The following KPNA4 variants were observed in gnomAD, a reference collection of about 807,000 sequenced individuals.
KPNA4 encodes the protein karyopherin subunit alpha 4.
Under a neutral mutation model 71.3 loss-of-function variants are expected in KPNA4, and 13 were observed. The observed-to-expected ratio is 0.18, with a 90% CI of 0.12 to 0.29. The LOEUF is 0.29. Ranked by LOEUF, KPNA4 falls within the 10% of genes least tolerant of loss-of-function variation. The pLI is 1.00. For synonymous variants in KPNA4, 189 were observed against 195.2 expected, an observed-to-expected ratio of 0.97 and a Z score of 0.26; for missense variants, 334 against 603.2, an observed-to-expected ratio of 0.55 and a Z score of 4.67.
intron 1 of KPNA4, among the ~76,000 whole-genome samples, chr3:160,560,802 A>T (rs182931574): frequency 6.6e-6 from 1 of 152,210 alleles, no homozygotes; most frequent in African/African-American, 2.4e-5. Flanking sequence ...CAGTCATTTA[A>T]TTCCTAACTA....
chr3:160,509,600 T>C (rs1016396038), intron 14 of KPNA4, among the ~76,000 whole-genome samples, 200 bp downstream of exon 14: 2 of 152,176 alleles, frequency 1.3e-5, no homozygotes, highest in African/African-American at 4.8e-5. Context: ...CTTGCTCTTA[T>C]TTTATTTTTT....
At chr3:160,522,007 C>T in intron 10 of KPNA4, 97 bp from the exon 11 acceptor site, 1 of 990,608 alleles carries the variant, frequency 1.0e-6, no homozygotes, top group Non-Finnish European at 1.5e-6. Flanking sequence ...CAACTACCTT[C>T]TTCCTTCTTT....
chr3:160,521,973 C>A, intron 10 of KPNA4, 63 bp from the exon 11 acceptor site: 1 of 1,406,968 alleles, frequency 7.1e-7, no homozygotes. Context: ...TAATTCTTGA[C>A]CAAACAACCA....
chr3:160,519,243 T>C (rs943897505), intron 11 of KPNA4, among the ~76,000 whole-genome samples: 3 of 152,210 alleles, frequency 2.0e-5, no homozygotes, highest in African/African-American at 7.2e-5. Context: ...TCTTTAATGT[T>C]TTCCAAAAAT....
intron 15 of KPNA4, among the ~76,000 whole-genome samples, chr3:160,507,497 C>G: frequency 8.9e-6 from 1 of 112,066 alleles, no homozygotes. Flanking sequence ...AAGACACTGT[C>G]TCAAAAAAAA....
chr3:160,523,673 C>T (rs748685174), intron 10 of KPNA4, among the ~76,000 whole-genome samples: 12 of 152,044 alleles, frequency 7.9e-5, no homozygotes, highest in Non-Finnish European at 1.3e-4. Context: ...CATAGTGAAA[C>T]CCTGTCTCCA....
rs200369744 is a variant in KPNA4 at position 160,505,056 on chromosome 3, C to A, written c.1373-4G>T. 2.0e-6 allele frequency: 3 copies of A among 1,492,996 alleles called. No individual in the cohort carries two copies. The highest frequency in any genetic ancestry group is 1.4e-5 in the African/African-American group (1 of 70,614). The allele number at this position is 1,492,996 out of a possible 1,614,324, so 92.5% of individuals were successfully genotyped here. A position where few individuals can be genotyped will look rare whatever the true frequency, so the allele number is the denominator to read the frequency against. On this transcript the variant is annotated splice_polypyrimidine_tract_variant and splice_region_variant and intron_variant, in intron 15 of 16. Coordinates refer to ENST00000334256, the MANE Select transcript of KPNA4 (RefSeq NM_002268.5). ...AGTTGTTCAATTTTCTCCAGCCCTG[C>A]AAGAAATTTTGCAATGTGAAACAAT... is the stretch of plus-strand genomic sequence containing the variant.
At chr3:160,518,880 A>G (rs1393346558) in intron 11 of KPNA4, among the ~76,000 whole-genome samples, 1 of 152,096 alleles carries the variant, frequency 6.6e-6, no homozygotes, top group Admixed American at 6.6e-5. Flanking sequence ...AAAAAAGTAA[A>G]TCAACTAATC....
chr3:160,521,660 C>A, intron 11 of KPNA4, 119 bp downstream of exon 11: 1 of 911,216 alleles, frequency 1.1e-6, no homozygotes, highest in Non-Finnish European at 1.7e-6. Context: ...CTTTCCATCA[C>A]AGATTTGTTG....
intron 1 of KPNA4, among the ~76,000 whole-genome samples, chr3:160,560,876 GTTATT>G (rs1031982126): frequency 3.9e-5 from 6 of 151,976 alleles, no homozygotes; most frequent in African/African-American, 1.4e-4. Flanking sequence ...TTAGACAGTA[GTTATT>G]TTAAGTATAG....
At chr3:160,539,081 T>C (rs1479062199) in intron 1 of KPNA4, among the ~76,000 whole-genome samples, 1 of 152,184 alleles carries the variant, frequency 6.6e-6, no homozygotes, top group Non-Finnish European at 1.5e-5. Context: ...TGGAATGCTC[T>C]TCCCCTACTA....
At position 160,496,269 on chromosome 3, in the gene KPNA4, C is replaced by T. The variant is rs1177684647; in HGVS notation, c.*5835G>A. 6.6e-6 allele frequency: 1 copy of T among 152,222 alleles called. No homozygotes were observed. Among genetic ancestry groups the T allele is most frequent in the African/African-American group, 2.4e-5 (1 of 41,324 alleles). 9.4% of individuals were successfully genotyped at this position (152,222 alleles called of 1,614,324 possible). On this transcript the variant is annotated 3_prime_UTR_variant, in exon 17 of 17. Coordinates refer to ENST00000334256, the MANE Select transcript of KPNA4 (RefSeq NM_002268.5). ...CACCACTGCATTCCTGCCTGGGCAA[C>T]AAGAAAGAGTAAAATGGTAACTATG...
In KPNA4 at chr3:160,565,413, T is replaced by C. The variant is rs2108564728; in HGVS notation, c.-131A>G. On this transcript the variant is annotated 5_prime_UTR_variant, in exon 1 of 17. Coordinates refer to ENST00000334256, the MANE Select transcript of KPNA4 (RefSeq NM_002268.5). ...GCCCGCCGCGCCGCCGCTTCCTTCC[T>C]CCTCTCACCTGCCTCCGCCGCGGCC... 1.4e-6 allele frequency: 1 copy of C among 701,076 alleles called. No individual in the cohort carries two copies. The highest frequency in any genetic ancestry group is 1.8e-5 in the South Asian group (1 of 56,914). The allele number at this position is 701,076 out of a possible 1,614,324, so 43.4% of individuals were successfully genotyped here.
At chr3:160,537,158 C>T (rs959117040) in intron 1 of KPNA4, among the ~76,000 whole-genome samples, 4 of 151,422 alleles carry the variant, frequency 2.6e-5, no homozygotes, top group African/African-American at 9.7e-5. Context: ...AATCTCACCC[C>T]TCATATGAAC....
At chr3:160,529,187 G>A (rs6779045) in intron 7 of KPNA4, among the ~76,000 whole-genome samples, 26 of 152,190 alleles carry the variant, frequency 1.7e-4, no homozygotes, top group Admixed American at 1.5e-3. Flanking sequence ...GCCTGCCTCA[G>A]CCTCCCTAAG....
intron 12 of KPNA4, chr3:160,514,995 C>A (rs762196906): frequency 1.9e-6 from 1 of 519,094 alleles, no homozygotes; most frequent in East Asian, 5.4e-5. Flanking sequence ...GGGTTATAAT[C>A]ATTGGCAATG....
chr3:160,554,184 GTTTTT>G (rs1302380354), intron 1 of KPNA4, among the ~76,000 whole-genome samples: 2 of 152,256 alleles, frequency 1.3e-5, no homozygotes, highest in East Asian at 3.9e-4. Context: ...TTCTATTGTT[GTTTTT>G]AATATTAATG....
intron 1 of KPNA4, among the ~76,000 whole-genome samples, chr3:160,542,133 A>T (rs541444263): frequency 6.6e-6 from 1 of 152,236 alleles, no homozygotes; most frequent in South Asian, 2.1e-4. Context: ...CTGCTGAAGA[A>T]TATCAGAAGC....
rs144119086 is a variant in KPNA4 at position 160,500,045 on chromosome 3, C to CACAATAAG, written c.*2058_*2059insCTTATTGT. The CACAATAAG allele has an allele frequency of 1.3e-5, 2 of 151,368 alleles. No individual in the cohort carries two copies. Among genetic ancestry groups the CACAATAAG allele is most frequent in the Non-Finnish European group, 2.9e-5 (2 of 67,812 alleles). The allele number at this position is 151,368 out of a possible 1,614,324, so 9.4% of individuals were successfully genotyped here. A position where few individuals can be genotyped will look rare whatever the true frequency, so the allele number is the denominator to read the frequency against. On this transcript the variant is annotated 3_prime_UTR_variant, in exon 17 of 17. Transcript: ENST00000334256. The stretch of plus-strand genomic sequence containing the variant: ...TATGTCCATACTGAAATGACAGAAC[C>CACAATAAG]AAAGAAATTTCTTATTATGCTGGTT...
Sources: gnomAD v4.1 joint callset for allele counts (sites outside exome capture counted in the v4.1 genomes callset) on GRCh38, gnomAD v4.1.1 for gene constraint, MANE v1.5 for transcripts, NCBI Gene and HGNC (gene_info 2026-07-23, HGNC 2026-07-21) for gene names.